Variants in PITPNA observed in about 807,000 individuals in gnomAD.
The protein encoded by PITPNA is phosphatidylinositol transfer protein alpha isoform.
In PITPNA, 13 loss-of-function variants were observed where a neutral mutation model predicts 50.3. That is an observed-to-expected ratio of 0.26 (90% CI 0.17 to 0.41). The LOEUF (loss-of-function observed/expected upper bound fraction) is 0.41. PITPNA is among the 10% of genes least tolerant of loss of function. The probability of loss-of-function intolerance (pLI) is 1.00; values close to 1 mark genes in which losing one functional copy is unlikely to be tolerated. For synonymous variants in PITPNA, 120 were observed against 119.6 expected, an observed-to-expected ratio of 1.00 and a Z score of -0.02; for missense variants, 207 against 333.4, an observed-to-expected ratio of 0.62 and a Z score of 2.95.
chr17:1,542,093 G>C (rs1429070841), intron 5 of PITPNA, among the ~76,000 whole-genome samples: 2 of 151,940 alleles, frequency 1.3e-5, no homozygotes, highest in Non-Finnish European at 2.9e-5. Flanking sequence ...CCAGCTACTC[G>C]GGAGGCTGAG....
rs2075499914 is a variant in PITPNA at position 1,520,029 on chromosome 17, C to G, written c.*532G>C. 1 of 152,204 alleles carries G rather than the reference C, an allele frequency of 6.6e-6. No homozygotes were observed. Among genetic ancestry groups the G allele is most frequent in the African/African-American group, 2.4e-5 (1 of 41,432 alleles). 9.4% of individuals were successfully genotyped at this position (152,204 alleles called of 1,614,324 possible). On this transcript the variant is annotated 3_prime_UTR_variant, in exon 12 of 12. Coordinates refer to ENST00000313486, the MANE Select transcript of PITPNA (RefSeq NM_006224.4). ...GGAGCAGAAGTCAGAGCTGCAAAAC[C>G]ACATTGCTATTTTGTGGAAGCGGTG... is the stretch of plus-strand genomic sequence containing the variant.
At chr17:1,534,263 GGCT>G (rs1567578779) in intron 9 of PITPNA, 42 bp from the exon 10 acceptor site, 1 of 1,612,146 alleles carries the variant, frequency 6.2e-7, no homozygotes, top group Non-Finnish European at 8.5e-7. Flanking sequence ...AGAAGGCAAA[GGCT>G]GCTGCCACAG....
intron 10 of PITPNA, among the ~76,000 whole-genome samples, chr17:1,522,652 C>T (rs961394855): frequency 6.6e-6 from 1 of 152,168 alleles, no homozygotes; most frequent in African/African-American, 2.4e-5. Context: ...GGATTACAGG[C>T]GTGAGCCACC....
intron 10 of PITPNA, among the ~76,000 whole-genome samples, chr17:1,522,508 G>A (rs189537242): frequency 2.0e-5 from 3 of 152,156 alleles, no homozygotes; most frequent in Non-Finnish European, 4.4e-5. Context: ...AAGTAGCTGG[G>A]ATTGCAGGTA....
chr17:1,526,099 C>A (rs2075546198), intron 10 of PITPNA, among the ~76,000 whole-genome samples: 1 of 152,168 alleles, frequency 6.6e-6, no homozygotes, highest in South Asian at 2.1e-4. Context: ...ACCCAGAACA[C>A]CTTGTGCTTC....
chr17:1,531,844 G>T (rs1394389404), intron 10 of PITPNA, among the ~76,000 whole-genome samples: 4 of 152,052 alleles, frequency 2.6e-5, no homozygotes, highest in Non-Finnish European at 5.9e-5. Flanking sequence ...TATATTTTTA[G>T]ATAGACAAAA....
At chr17:1,550,173 A>G (rs1269422350) in intron 3 of PITPNA, among the ~76,000 whole-genome samples, 1 of 152,204 alleles carries the variant, frequency 6.6e-6, no homozygotes, top group Admixed American at 6.5e-5. Context: ...GCAGGGGGAC[A>G]CACAGAGAAA....
chr17:1,536,339 G>A (rs2075615726), intron 7 of PITPNA, among the ~76,000 whole-genome samples: 1 of 149,422 alleles, frequency 6.7e-6, no homozygotes. Flanking sequence ...CCAGGCTGGA[G>A]TGCAGTAGCG....
In PITPNA at chr17:1,562,444, C is replaced by T; in HGVS notation, c.20+97G>A. On this transcript the variant is annotated intron_variant, in intron 1 of 11. Coordinates refer to ENST00000313486, the MANE Select transcript of PITPNA (RefSeq NM_006224.4). This position sits in a 1 kb window ranked among gnomAD's most constrained non-coding sequence, Gnocchi z 6.4. Reference sequence around the variant, plus strand: ...GCACCCTCCGTCCCTGCTGCCCCTCCGTCCATCCGGGCCCTGCGTCCCTCG... The same window carrying T: ...GCACCCTCCGTCCCTGCTGCCCCTCTGTCCATCCGGGCCCTGCGTCCCTCG... The T allele has an allele frequency of 9.8e-7, 1 of 1,024,232 alleles. No individual in the cohort carries two copies. Among genetic ancestry groups the T allele is most frequent in the Non-Finnish European group, 1.3e-6 (1 of 745,372 alleles). 63.4% of individuals were successfully genotyped at this position (1,024,232 alleles called of 1,614,324 possible).
chr17:1,550,247 G>A (rs2075701215), intron 3 of PITPNA, among the ~76,000 whole-genome samples: 1 of 152,186 alleles, frequency 6.6e-6, no homozygotes, highest in Admixed American at 6.5e-5. Context: ...AACTAGACAA[G>A]GCCAAGCACA....
rs1404010723 is a variant in PITPNA, at chr17:1,548,750, A to C, written c.198-363T>G. On this transcript the variant is annotated intron_variant, in intron 3 of 11. Transcript: ENST00000313486. Reference sequence around the variant, plus strand: ...ACAAAGGAGATGCCTCCAAGCATGAACCAGTCTCGGTTTAGGGCCAGGGTA... The same window carrying C: ...ACAAAGGAGATGCCTCCAAGCATGACCCAGTCTCGGTTTAGGGCCAGGGTA... Among the ~76,000 whole-genome samples the C allele has an allele frequency of 3.9e-5, 6 of 152,066 alleles. No individual in the cohort carries two copies. The South Asian group carries it at 1.0e-3, about 26-fold the overall frequency.
intron 4 of PITPNA, among the ~76,000 whole-genome samples, chr17:1,547,152 G>A (rs1183880012): frequency 1.5e-5 from 2 of 135,446 alleles, no homozygotes; most frequent in African/African-American, 5.6e-5. Context: ...TTGAGCCCAG[G>A]AATTTGAAAC....
chr17:1,542,054 T>G (rs909798770), intron 5 of PITPNA, among the ~76,000 whole-genome samples: 11 of 151,560 alleles, frequency 7.3e-5, no homozygotes, highest in African/African-American at 2.7e-4. Flanking sequence ...ACAAAAATTA[T>G]CCAGGCATGG....
chr17:1,562,468 C>T lies in PITPNA; in HGVS notation c.20+73G>A. 4 of 1,286,230 alleles carry T rather than the reference C, an allele frequency of 3.1e-6. No homozygotes were observed. The highest frequency in any genetic ancestry group is 4.1e-6 in the Non-Finnish European group (4 of 971,616). 79.7% of individuals were successfully genotyped at this position (1,286,230 alleles called of 1,614,324 possible). A position where few individuals can be genotyped will look rare whatever the true frequency, so the allele number is the denominator to read the frequency against. ...CCGTCCATCCGGGCCCTGCGTCCCT[C>T]GCCGCGCCGTCGCCCCGGCGGCCGT... On this transcript the variant is annotated intron_variant, in intron 1 of 11. Coordinates refer to ENST00000313486, the MANE Select transcript of PITPNA (RefSeq NM_006224.4). This position sits in a 1 kb window ranked among gnomAD's most constrained non-coding sequence, Gnocchi z 6.4.
At chr17:1,521,725 G>C in intron 10 of PITPNA, 80 bp from the exon 11 acceptor site, 1 of 1,158,484 alleles carries the variant, frequency 8.6e-7, no homozygotes, top group Non-Finnish European at 1.3e-6. Context: ...CCCATAGGTG[G>C]GGTGGGGCAT....
intron 2 of PITPNA, among the ~76,000 whole-genome samples, chr17:1,556,605 G>C (rs1338662947): frequency 1.3e-5 from 2 of 152,032 alleles, no homozygotes; most frequent in Non-Finnish European, 2.9e-5. Context: ...CCTATCAAAG[G>C]ATCCATTTCA....
rs1414255370 is a variant in PITPNA at position 1,518,108 on chromosome 17, G to A, written c.*2453C>T. 2 of 152,666 alleles carry A rather than the reference G, an allele frequency of 1.3e-5. No homozygotes were observed. The highest frequency in any genetic ancestry group is 3.2e-3 in the Middle Eastern group (1 of 316). 9.5% of individuals were successfully genotyped at this position (152,666 alleles called of 1,614,324 possible). A position where few individuals can be genotyped will look rare whatever the true frequency, so the allele number is the denominator to read the frequency against. On this transcript the variant is annotated 3_prime_UTR_variant, in exon 12 of 12. Transcript: ENST00000313486. ...GGTAATCTAATCAATTCTACAAAGT[G>A]TAGTTTGTAAAACAAGTAGCACTAG...
At chr17:1,523,879 G>C (rs1019508856) in intron 10 of PITPNA, among the ~76,000 whole-genome samples, 2 of 151,398 alleles carry the variant, frequency 1.3e-5, no homozygotes, top group Admixed American at 6.6e-5. Flanking sequence ...GGCTAGTCTC[G>C]AACCCCTGGA....
intron 4 of PITPNA, 60 bp downstream of exon 4, chr17:1,548,236 T>G: frequency 9.0e-7 from 1 of 1,108,974 alleles, no homozygotes. Context: ...AACACGCAGG[T>G]GGGACCCACA....
Sources: gnomAD v4.1 joint callset for allele counts (sites outside exome capture counted in the v4.1 genomes callset) on GRCh38, gnomAD v4.1.1 for gene constraint, Gnocchi (gnomAD v3.1) non-coding constraint, MANE v1.5 for transcripts, NCBI Gene and HGNC (gene_info 2026-07-23, HGNC 2026-07-21) for gene names.